ZNF648: variants seen among roughly 807,000 people sequenced by gnomAD.
ZNF648 encodes the protein zinc finger protein 648.
In ZNF648, 1 loss-of-function variant was observed where a neutral mutation model predicts 0.3. The observed-to-expected ratio is 3.90, with a 90% confidence interval of 1.39 to 18.51. The LOEUF is 18.51. ZNF648 is among the 30% of genes most tolerant of loss of function. The pLI is 0.11. For synonymous variants in ZNF648, 376 were observed against 326.8 expected, an observed-to-expected ratio of 1.15 and a Z score of -1.62; for missense variants, 874 against 769.7, an observed-to-expected ratio of 1.14 and a Z score of -1.60.
Position 182,057,863 on chromosome 1 carries a change from C to A in ZNF648, c.148G>T (p.Asp50Tyr). The change falls in exon 2 of 2, where the codon GAC becomes TAC. Residue 50 changes from aspartate to tyrosine, a missense_variant. Asp to Tyr is a radical substitution (Grantham distance 160, BLOSUM62 -3). Transcript: ENST00000339948. ...GGEAEKEGTA[D>Y]PVACPRGSSP... ...CTGCCCCTTGGACAGGCCACCGGGT[C>A]AGCGGTGCCCTCTTTTTCGGCCTCC... The A allele has an allele frequency of 6.2e-7, 1 of 1,614,162 alleles. No homozygotes were observed. Among genetic ancestry groups the A allele is most frequent in the Non-Finnish European group, 8.5e-7 (1 of 1,180,024 alleles).
upstream of ZNF648, among the ~76,000 whole-genome samples, chr1:182,066,301 G>A (rs189243322): frequency 6.6e-6 from 1 of 152,340 alleles, no homozygotes; most frequent in East Asian, 1.9e-4. Flanking sequence ...GACTGGATGG[G>A]TGGAGTGGAG....
chr1:182,056,499 G>A lies in ZNF648; in HGVS notation c.1512C>T (p.Phe504=). ...AGGCCCTGCCGCACTCGGCACAGAG[G>A]AATCCCTTCTCCCCGGAGTGGATCT... ...HQQIHSGEKG[F]LCAECGRAFR... is the part of the protein sequence containing the mutation. Residue 504 remains phenylalanine, a synonymous_variant, in exon 2 of 2, where the codon TTC becomes TTT. Coordinates refer to ENST00000339948, the MANE Select transcript of ZNF648 (RefSeq NM_001009992.1). 1.2e-6 allele frequency: 2 copies of A among 1,614,032 alleles called. No homozygotes were observed. The highest frequency in any genetic ancestry group is 1.3e-5 in the African/African-American group (1 of 75,070).
chr1:182,060,654 G>A (rs1666018072), intron 1 of ZNF648, among the ~76,000 whole-genome samples: 1 of 152,132 alleles, frequency 6.6e-6, no homozygotes, highest in African/African-American at 2.4e-5. Flanking sequence ...GCCCAGATCT[G>A]ACATATTTTC....
rs1268141456 is a variant in ZNF648 at position 182,056,299 on chromosome 1, T to C, written c.*5A>G. On this transcript the variant is annotated 3_prime_UTR_variant, in exon 2 of 2. Coordinates refer to ENST00000339948, the MANE Select transcript of ZNF648 (RefSeq NM_001009992.1). ...TTCCAAGTAGTGAGGTCGACGATGC[T>C]ATCTTCACTCGTCAGAGGAGGAAGG... The C allele has an allele frequency of 3.7e-6, 6 of 1,601,880 alleles. No homozygotes were observed. The East Asian group carries it at 1.1e-4, about 30-fold the overall frequency.
chr1:182,068,753 C>T, the ZNF648 span, among the ~76,000 whole-genome samples: 1 of 151,428 alleles, frequency 6.6e-6, no homozygotes, highest in African/African-American at 2.4e-5. Context: ...GGAGACCTCA[C>T]CTTCACAAAG....
intron 1 of ZNF648, among the ~76,000 whole-genome samples, chr1:182,059,187 A>C (rs1179752733): frequency 6.6e-6 from 1 of 152,188 alleles, no homozygotes; most frequent in East Asian, 1.9e-4. Flanking sequence ...TCTTCCCCCA[A>C]GTGTGCCATA....
Position 182,057,280 on chromosome 1 carries a change from T to C in ZNF648, c.731A>G (p.Glu244Gly). ...QNQAGRREGG[E>G]AEARPYRCLR... ...GCACCTGTAGGGACGCGCCTCAGCC[T>C]CTCCGCCCTCGCGCCGGCCCGCCTG... The change falls in exon 2 of 2, where the codon GAG becomes GGG. Residue 244 changes from glutamate (E) to glycine (G), a missense_variant. By Grantham distance (98) the Glu-to-Gly change is moderately conservative. Transcript: ENST00000339948. The C allele has an allele frequency of 6.3e-7, 1 of 1,593,322 alleles. No homozygotes were observed. The highest frequency in any genetic ancestry group is 8.5e-7 in the Non-Finnish European group (1 of 1,175,128).
At position 182,056,916 on chromosome 1, in the gene ZNF648, C is replaced by T; in HGVS notation, c.1095G>A (p.Pro365=). The change falls in exon 2 of 2, where the codon CCG becomes CCA. Residue 365 remains proline (P), a synonymous_variant. Coordinates refer to ENST00000339948, the MANE Select transcript of ZNF648 (RefSeq NM_001009992.1). ...TGAAGGTCAGGCCGCACTCGGAGCACGGGAAGGGCTTATTGTTGCTGTGCA... is the reference window on the plus strand; with the variant it reads ...TGAAGGTCAGGCCGCACTCGGAGCATGGGAAGGGCTTATTGTTGCTGTGCA... The part of the protein sequence containing the change: ...RNMHSNNKPF[P]CSECGLTFNK... 2 of 1,603,518 alleles carry T rather than the reference C, an allele frequency of 1.2e-6. No homozygotes were observed.
In ZNF648 at chr1:182,057,893, C is replaced by T. The variant is rs756669724; in HGVS notation, c.118G>A (p.Gly40Ser). The change falls in exon 2 of 2, where the codon GGT (glycine) becomes AGT (serine). Residue 40 changes from glycine (G) to serine (S), a missense_variant. Transcript: ENST00000339948. The stretch of plus-strand genomic sequence containing the variant: ...GTGCCCTCTTTTTCGGCCTCCCCAC[C>T]ATCTTCATCGTCACTCTCTAAGTTC... ...SMNLESDDED[G>S]GEAEKEGTAD... The T allele has an allele frequency of 1.2e-6, 2 of 1,614,120 alleles. No individual in the cohort carries two copies. Among genetic ancestry groups the T allele is most frequent in the East Asian group, 4.5e-5 (2 of 44,848 alleles).
Position 182,056,688 on chromosome 1 carries a change from C to T in ZNF648, c.1323G>A (p.Leu441=). 6.2e-7 allele frequency: 1 copy of T among 1,601,472 alleles called. No individual in the cohort carries two copies. The highest frequency in any genetic ancestry group is 8.5e-7 in the Non-Finnish European group (1 of 1,173,868). The change falls in exon 2 of 2, where the codon CTG becomes CTA. Residue 441 remains leucine, a synonymous_variant. Transcript: ENST00000339948. ...KSSNLSEHQT[L]HTGQRPFKCA... Reference sequence around the variant, plus strand: ...ACTTGAAAGGCCTCTGGCCGGTGTGCAGCGTCTGGTGCTCGGACAGATTGG... The same window carrying T: ...ACTTGAAAGGCCTCTGGCCGGTGTGTAGCGTCTGGTGCTCGGACAGATTGG...
the ZNF648 span, among the ~76,000 whole-genome samples, chr1:182,067,731 G>A: frequency 6.6e-6 from 1 of 152,232 alleles, no homozygotes; most frequent in Non-Finnish European, 1.5e-5. Flanking sequence ...CCAGGCCGAG[G>A]GAGCATAAGC....
intron 1 of ZNF648, among the ~76,000 whole-genome samples, chr1:182,060,219 T>C (rs773128959): frequency 1.2e-4 from 18 of 152,250 alleles, no homozygotes; most frequent in Non-Finnish European, 2.5e-4. Flanking sequence ...AGGACCCATG[T>C]TGCAGAGGCC....
In ZNF648 at chr1:182,056,780, G is replaced by GGTGCTCCACCCA. The variant is rs1553225815; in HGVS notation, c.1230_1231insTGGGTGGAGCAC (p.His410_Gln411insTrpValGluHis). The GGTGCTCCACCCA allele has an allele frequency of 6.6e-7, 1 of 1,522,226 alleles. No individual in the cohort carries two copies. Among genetic ancestry groups the GGTGCTCCACCCA allele is most frequent in the Non-Finnish European group, 8.8e-7 (1 of 1,138,384 alleles). 94.3% of individuals were successfully genotyped at this position (1,522,226 alleles called of 1,614,324 possible). The stretch of plus-strand genomic sequence containing the variant: ...GGCCGCTCGCCCGAGTGCACGCGCT[G>GGTGCTCCACCCA]GTGCTCCACCATGCGGCTGGCCACA... On this transcript the variant is annotated inframe_insertion, in exon 2 of 2. Transcript: ENST00000339948.
chr1:182,069,237 T>TG, the ZNF648 span: 1 of 151,824 alleles, frequency 6.6e-6, no homozygotes, highest in Non-Finnish European at 1.5e-5. Context: ...CTACATGCGC[T>TG]GGCCAGGGTA....
the ZNF648 span, among the ~76,000 whole-genome samples, chr1:182,068,555 T>G: frequency 2.6e-5 from 4 of 152,196 alleles, no homozygotes; most frequent in African/African-American, 9.7e-5. Flanking sequence ...CATAGTCTGG[T>G]TTGCTCTGAT....
chr1:182,054,934 A>G lies in ZNF648; in HGVS notation c.*1370T>C, dbSNP rs755031930. ...CATGAGAATGCTATTTAGAGGTCAC[A>G]CCCTAGTTCCAAATCAGGTGGAAAC... On this transcript the variant is annotated 3_prime_UTR_variant, in exon 2 of 2. Transcript: ENST00000339948. 6.6e-6 allele frequency: 1 copy of G among 152,132 alleles called. No homozygotes were observed. The highest frequency in any genetic ancestry group is 1.5e-5 in the Non-Finnish European group (1 of 68,024). The allele number at this position is 152,132 out of a possible 1,614,324, so 9.4% of individuals were successfully genotyped here.
chr1:182,061,454 T>G (rs1237166951), intron 1 of ZNF648, 114 bp downstream of exon 1: 1 of 152,480 alleles, frequency 6.6e-6, no homozygotes, highest in African/African-American at 2.4e-5. Context: ...TTTCCTTCAT[T>G]CTTTCCAGAT....
chr1:182,061,220 C>T (rs1666027463), intron 1 of ZNF648, among the ~76,000 whole-genome samples: 2 of 152,226 alleles, frequency 1.3e-5, no homozygotes, highest in African/African-American at 4.8e-5. Flanking sequence ...TATACCTGGT[C>T]TGAAAGAGGA....
Position 182,057,354 on chromosome 1 carries a change from C to G in ZNF648, c.657G>C (p.Leu219=). 1 of 1,611,618 alleles carries G rather than the reference C, an allele frequency of 6.2e-7. No homozygotes were observed. Among genetic ancestry groups the G allele is most frequent in the Non-Finnish European group, 8.5e-7 (1 of 1,179,874 alleles). Residue 219 remains leucine (L), a synonymous_variant, in exon 2 of 2, where the codon CTG becomes CTC. Transcript: ENST00000339948. Reference sequence around the variant, plus strand: ...GCGCTTTTGCCAGGACCGCGGCAGCCAGGCTGGCTGGGGTGGCCGACGCCT... The same window carrying G: ...GCGCTTTTGCCAGGACCGCGGCAGCGAGGCTGGCTGGGGTGGCCGACGCCT... The part of the protein sequence containing the change: ...PAQASATPAS[L]AAAVLAKARN...
Sources: gnomAD v4.1 joint callset for allele counts (sites outside exome capture counted in the v4.1 genomes callset) on GRCh38, gnomAD v4.1.1 for gene constraint, MANE v1.5 for transcripts, NCBI Gene and HGNC (gene_info 2026-07-23, HGNC 2026-07-21) for gene names.